CSMD1: variants seen among roughly 807,000 people sequenced by gnomAD.
CSMD1 encodes CUB and Sushi multiple domains 1.
Under a neutral mutation model 417.5 loss-of-function variants are expected in CSMD1, and 213 were observed. That is an observed-to-expected ratio of 0.51 (90% CI 0.46 to 0.57). The LOEUF is 0.57. CSMD1 is among the 20% of genes least tolerant of loss of function. CSMD1 has a pLI of 0.00. For synonymous variants in CSMD1, 2,862 were observed against 1,736.8 expected (o/e 1.65, Z -16.11); for missense variants, 6,923 against 4,529.7 (o/e 1.53, Z -15.17).
At chr8:4,061,519 T>C (rs1798972406) in intron 3 of CSMD1, among the ~76,000 whole-genome samples, 1 of 152,098 alleles carries the variant, frequency 6.6e-6, no homozygotes. Flanking sequence ...GTAGGGAATG[T>C]GGGAGAAGCT....
chr8:3,230,465 GA>G (rs1394001851), intron 26 of CSMD1, among the ~76,000 whole-genome samples: 2 of 150,680 alleles, frequency 1.3e-5, no homozygotes, highest in Non-Finnish European at 3.0e-5. Flanking sequence ...TGCAACCAAT[GA>G]TGAAATATAT....
intron 2 of CSMD1, among the ~76,000 whole-genome samples, chr8:4,433,945 G>C (rs1054471730): frequency 2.0e-5 from 3 of 152,162 alleles, no homozygotes; most frequent in Non-Finnish European, 1.5e-5. Context: ...TTGTAGAATT[G>C]AGGTTTATTC....
chr8:4,898,411 C>G (rs954466194), intron 1 of CSMD1, among the ~76,000 whole-genome samples: 2 of 151,520 alleles, frequency 1.3e-5, no homozygotes, highest in Non-Finnish European at 2.9e-5. Context: ...TCAGGCCACA[C>G]AGTGACTGGG....
chr8:3,176,617 C>T (rs530435951), intron 37 of CSMD1, among the ~76,000 whole-genome samples: 1 of 152,128 alleles, frequency 6.6e-6, no homozygotes, highest in African/African-American at 2.4e-5. Context: ...AAAATCCCAT[C>T]CACTTGGGAT....
At chr8:4,596,237 T>C (rs1373775614) in intron 2 of CSMD1, among the ~76,000 whole-genome samples, 1 of 152,070 alleles carries the variant, frequency 6.6e-6, no homozygotes, top group African/African-American at 2.4e-5. Flanking sequence ...AAAAAAATCA[T>C]AGGACAGTAT....
chr8:3,382,557 CTTT>C (rs1810704795), intron 18 of CSMD1, among the ~76,000 whole-genome samples: 1 of 42,594 alleles, frequency 2.3e-5, no homozygotes, highest in Admixed American at 2.4e-4. Flanking sequence ...AGCATTATGT[CTTT>C]CTCTATATAT....
chr8:4,025,944 A>C (rs576078202), intron 4 of CSMD1, among the ~76,000 whole-genome samples: 2 of 152,234 alleles, frequency 1.3e-5, no homozygotes, highest in African/African-American at 2.4e-5. Flanking sequence ...AATAAATTAT[A>C]AACTTTTATA....
chr8:2,966,465 G>C, intron 58 of CSMD1, 105 bp downstream of exon 58: 1 of 997,520 alleles, frequency 1.0e-6, no homozygotes, highest in Non-Finnish European at 1.4e-6. Context: ...TTTCCTCTAT[G>C]AATTAAAAAT....
chr8:4,737,927 C>T (rs1306236628), intron 1 of CSMD1, among the ~76,000 whole-genome samples: 2 of 151,996 alleles, frequency 1.3e-5, no homozygotes, highest in Non-Finnish European at 2.9e-5. Context: ...GAAGGAAAGG[C>T]GAGAAAGTAA....
At chr8:4,599,026 T>C (rs150654068) in intron 2 of CSMD1, among the ~76,000 whole-genome samples, 1 of 152,208 alleles carries the variant, frequency 6.6e-6, no homozygotes, top group Non-Finnish European at 1.5e-5. Flanking sequence ...AAAAATGTAT[T>C]AAACTCTTTA....
At chr8:3,039,284 CT>C (rs68122731) in intron 50 of CSMD1, among the ~76,000 whole-genome samples, 29,822 of 143,642 alleles carry the variant, frequency 0.21, 3,411 homozygotes, top group Non-Finnish European at 0.26. Flanking sequence ...TTCCTTCCTT[CT>C]TTTCCTTACT....
chr8:3,847,443 T>C (rs1298943652), intron 5 of CSMD1, among the ~76,000 whole-genome samples: 2 of 152,050 alleles, frequency 1.3e-5, no homozygotes, highest in Non-Finnish European at 2.9e-5. Context: ...TGGGCAGTTT[T>C]GGGGTCCTGA....
At chr8:4,608,465 G>A (rs1010493939) in intron 2 of CSMD1, among the ~76,000 whole-genome samples, 8 of 152,194 alleles carry the variant, frequency 5.3e-5, no homozygotes, top group African/African-American at 1.9e-4. Flanking sequence ...CGTGGAGGAG[G>A]AGAGACAGAG....
At chr8:4,692,060 C>A (rs146023405) in intron 1 of CSMD1, among the ~76,000 whole-genome samples, 6 of 152,158 alleles carry the variant, frequency 3.9e-5, no homozygotes, top group African/African-American at 1.2e-4. Context: ...GCGGGGCACA[C>A]AACCTACCCT....
intron 4 of CSMD1, among the ~76,000 whole-genome samples, chr8:4,015,455 G>A (rs750871039): frequency 6.6e-6 from 1 of 151,964 alleles, no homozygotes; most frequent in Non-Finnish European, 1.5e-5. Context: ...GCCATTTCCA[G>A]TCACATTACG....
chr8:3,093,590 C>T (rs947863482), intron 47 of CSMD1, among the ~76,000 whole-genome samples: 3 of 152,098 alleles, frequency 2.0e-5, no homozygotes, highest in Non-Finnish European at 2.9e-5. Flanking sequence ...ATTGCTTGAA[C>T]CCAGGAGGTG....
At chr8:3,675,379 G>C (rs1302007064) in intron 7 of CSMD1, among the ~76,000 whole-genome samples, 1 of 152,140 alleles carries the variant, frequency 6.6e-6, no homozygotes, top group Non-Finnish European at 1.5e-5. Context: ...CAGCAATGTG[G>C]GCTTGGATAT....
chr8:4,148,362 C>T (rs1269848610), intron 3 of CSMD1, among the ~76,000 whole-genome samples: 2 of 107,998 alleles, frequency 1.9e-5, no homozygotes, highest in East Asian at 5.1e-4. Context: ...ACACCGGTGC[C>T]TGTTGTGGGG....
chr8:4,715,476 C>T (rs1808594643), intron 1 of CSMD1, among the ~76,000 whole-genome samples: 1 of 152,136 alleles, frequency 6.6e-6, no homozygotes, highest in South Asian at 2.1e-4. Flanking sequence ...AGCTTAAATA[C>T]CACATATAAA....
Sources: allele counts gnomAD v4.1 joint callset (sites outside exome capture counted in the v4.1 genomes callset), GRCh38; gene constraint gnomAD v4.1.1; transcripts MANE v1.5; gene names NCBI Gene and HGNC (gene_info 2026-07-23, HGNC 2026-07-21).